PTPRT: variants seen among roughly 807,000 people sequenced by gnomAD.
The protein encoded by PTPRT is protein tyrosine phosphatase receptor type T.
PTPRT carries 56 observed loss-of-function variants against 176.8 expected under a neutral mutation model. The observed-to-expected ratio is 0.32, with a 90% CI of 0.26 to 0.40. The LOEUF is 0.40. Ranked by LOEUF, PTPRT falls within the 10% of genes least tolerant of loss-of-function variation. The pLI is 1.00. For missense variants in PTPRT, 1,540 were observed against 1,908.2 expected, an observed-to-expected ratio of 0.81 and a Z score of 3.60; for synonymous variants, 783 against 739.0, an observed-to-expected ratio of 1.06 and a Z score of -0.96.
chr20:42,962,886 G>A (rs978555198), intron 1 of PTPRT, among the ~76,000 whole-genome samples: 40 of 152,080 alleles, frequency 2.6e-4, no homozygotes, highest in African/African-American at 9.4e-4. Context: ...GGCCAACATG[G>A]TGAAACCCAG....
rs548980812 is a variant in PTPRT at position 42,077,853 on chromosome 20, C to T, written c.*3026G>A. 1.9e-3 allele frequency: 378 copies of T among 194,932 alleles called. 2 individuals carry two copies. The highest frequency in any genetic ancestry group is 3.2e-3 in the Non-Finnish European group (301 of 94,842). 12.1% of individuals were successfully genotyped at this position (194,932 alleles called of 1,614,324 possible). A position where few individuals can be genotyped will look rare whatever the true frequency, so the allele number is the denominator to read the frequency against. ...AAGTTTGTTTCTCCCTGAAGTCACA[C>T]CTTAAATTCCTACCATTTAAAATGA... On this transcript the variant is annotated 3_prime_UTR_variant, in exon 31 of 31. Transcript: ENST00000373187.
At chr20:42,696,117 T>C (rs2075870915) in intron 6 of PTPRT, among the ~76,000 whole-genome samples, 1 of 151,888 alleles carries the variant, frequency 6.6e-6, no homozygotes, top group South Asian at 2.1e-4. Flanking sequence ...TCCCCTTCCC[T>C]TTCCCCTTTT....
intron 2 of PTPRT, among the ~76,000 whole-genome samples, chr20:42,858,495 A>C (rs7265817): frequency 1.0e-3 from 156 of 152,302 alleles, no homozygotes; most frequent in African/African-American, 3.4e-3. Flanking sequence ...TTAAGCGATG[A>C]GGACTTTGGG....
At chr20:42,290,012 T>A (rs2057293350) in intron 12 of PTPRT, among the ~76,000 whole-genome samples, 1 of 152,084 alleles carries the variant, frequency 6.6e-6, no homozygotes, top group African/African-American at 2.4e-5. Flanking sequence ...CTTGACCTTC[T>A]GAGTGACTAG....
chr20:42,269,663 A>G (rs1473047431), intron 13 of PTPRT, among the ~76,000 whole-genome samples: 2 of 152,220 alleles, frequency 1.3e-5, no homozygotes, highest in Non-Finnish European at 2.9e-5. Flanking sequence ...AAACAAATAC[A>G]GACTCTGGAC....
intron 5 of PTPRT, among the ~76,000 whole-genome samples, chr20:42,768,823 T>C (rs964444836): frequency 4.6e-5 from 7 of 152,258 alleles, no homozygotes; most frequent in African/African-American, 1.7e-4. Context: ...CTCCATGTCA[T>C]GTGTTTCCAT....
At chr20:42,858,562 A>G (rs550806536) in intron 2 of PTPRT, among the ~76,000 whole-genome samples, 21 of 152,210 alleles carry the variant, frequency 1.4e-4, no homozygotes, top group Non-Finnish European at 2.2e-4. Context: ...GGGACCCCAG[A>G]GAGCTGCCTT....
chr20:43,110,284 G>A (rs2012801740), intron 1 of PTPRT, among the ~76,000 whole-genome samples: 1 of 152,200 alleles, frequency 6.6e-6, no homozygotes, highest in Middle Eastern at 3.2e-3. Context: ...CCTGGAGAGA[G>A]GCAATTAATC....
intron 7 of PTPRT, among the ~76,000 whole-genome samples, chr20:42,500,320 C>T (rs1248843737): frequency 1.3e-5 from 2 of 151,964 alleles, no homozygotes; most frequent in East Asian, 3.9e-4. Context: ...TGCCGGTCTA[C>T]TCACTACCCC....
At chr20:42,952,931 A>T (rs1981345110) in intron 1 of PTPRT, among the ~76,000 whole-genome samples, 1 of 152,094 alleles carries the variant, frequency 6.6e-6, no homozygotes, top group African/African-American at 2.4e-5. Context: ...ATATACTCTT[A>T]AAAAAAATCT....
chr20:42,835,529 T>C (rs1221419945), intron 2 of PTPRT, among the ~76,000 whole-genome samples: 1 of 152,120 alleles, frequency 6.6e-6, no homozygotes, highest in Non-Finnish European at 1.5e-5. Context: ...CAAAAGGAGC[T>C]GAGTCTGGTT....
intron 13 of PTPRT, among the ~76,000 whole-genome samples, chr20:42,279,622 T>A (rs1194569805): frequency 6.6e-6 from 1 of 152,162 alleles, no homozygotes; most frequent in Non-Finnish European, 1.5e-5. Flanking sequence ...CCGTCCAAGC[T>A]GGGTGGTACT....
chr20:42,160,439 G>A (rs1337046046), intron 17 of PTPRT, among the ~76,000 whole-genome samples: 1 of 141,918 alleles, frequency 7.0e-6, no homozygotes, highest in Non-Finnish European at 1.5e-5. Context: ...TAATGGGCAG[G>A]ATTTGAAACA....
At chr20:43,010,958 A>G (rs1296298507) in intron 1 of PTPRT, among the ~76,000 whole-genome samples, 1 of 152,194 alleles carries the variant, frequency 6.6e-6, no homozygotes, top group Non-Finnish European at 1.5e-5. Context: ...CAGGTGTGTC[A>G]AAGCAGAGAC....
At chr20:42,947,620 G>A (rs1212790762) in intron 1 of PTPRT, among the ~76,000 whole-genome samples, 81 of 152,202 alleles carry the variant, frequency 5.3e-4, no homozygotes, top group Non-Finnish European at 1.0e-3. Flanking sequence ...TCATATTACA[G>A]TAAATAAACT....
intron 7 of PTPRT, among the ~76,000 whole-genome samples, chr20:42,661,914 T>C (rs1249267248): frequency 6.6e-6 from 1 of 152,220 alleles, no homozygotes. Context: ...GACCTCTGCG[T>C]TCCAGAATGG....
chr20:42,947,193 C>T (rs1980936982), intron 1 of PTPRT, among the ~76,000 whole-genome samples: 1 of 152,200 alleles, frequency 6.6e-6, no homozygotes, highest in Admixed American at 6.5e-5. Context: ...CCCAGCCACT[C>T]ACAGGCAGCT....
intron 7 of PTPRT, among the ~76,000 whole-genome samples, chr20:42,557,891 C>T (rs906724608): frequency 1.4e-4 from 21 of 152,318 alleles, no homozygotes; most frequent in Admixed American, 1.4e-3. Context: ...CCATGGCCAA[C>T]CCATTGGGCA....
chr20:42,822,802 A>G (rs1380944060), intron 2 of PTPRT, among the ~76,000 whole-genome samples: 1 of 152,214 alleles, frequency 6.6e-6, no homozygotes, highest in Non-Finnish European at 1.5e-5. Context: ...AAAGCTCAAC[A>G]TCACTGATCA....
Sources: gnomAD v4.1 joint callset for allele counts (sites outside exome capture counted in the v4.1 genomes callset) on GRCh38, gnomAD v4.1.1 for gene constraint, MANE v1.5 for transcripts, NCBI Gene and HGNC (gene_info 2026-07-23, HGNC 2026-07-21) for gene names.